The following RYR2 variants were observed in gnomAD, a reference collection of about 807,000 sequenced individuals.
RYR2 encodes the protein ryanodine receptor 2.
In RYR2, 227 loss-of-function variants were observed where a neutral mutation model predicts 601.1. The observed-to-expected ratio is 0.38, with a 90% CI of 0.34 to 0.42. RYR2 has a LOEUF of 0.42. Ranked by LOEUF, RYR2 falls within the 10% of genes least tolerant of loss-of-function variation. RYR2 has a pLI of 1.00. For missense variants in RYR2, 4,646 were observed against 6,156.5 expected (o/e 0.75, Z 8.21); for synonymous variants, 2,223 against 2,175.1 (o/e 1.02, Z -0.61).
intron 74 of RYR2, among the ~76,000 whole-genome samples, chr1:237,725,369 A>G (rs1558295024): frequency 2.0e-5 from 3 of 152,188 alleles, no homozygotes; most frequent in African/African-American, 7.2e-5. Context: ...GCTAATGATA[A>G]CATGTGACTG....
intron 56 of RYR2, among the ~76,000 whole-genome samples, chr1:237,663,648 T>C (rs974994296): frequency 1.3e-5 from 2 of 152,216 alleles, no homozygotes; most frequent in African/African-American, 4.8e-5. Flanking sequence ...TTTGAAAGAA[T>C]GTTGTGAGTG....
At chr1:237,340,572 A>G (rs1043560735) in intron 3 of RYR2, among the ~76,000 whole-genome samples, 3 of 152,190 alleles carry the variant, frequency 2.0e-5, no homozygotes, top group African/African-American at 7.2e-5. Context: ...GCTACTAGCT[A>G]TTTATATCTG....
rs149917160 is a variant in RYR2 at position 237,607,437 on chromosome 1, G to A, written c.4684-3325G>A. On this transcript the variant is annotated intron_variant, in intron 35 of 104. Transcript: ENST00000366574. Reference sequence around the variant, plus strand: ...CGGGGCCTGTTGTGGGGTTGGGGGAGGGAGGGAGGGATAGCATTAGGAGAT... The same window carrying A: ...CGGGGCCTGTTGTGGGGTTGGGGGAAGGAGGGAGGGATAGCATTAGGAGAT... 9.4e-3 allele frequency among the ~76,000 whole-genome samples: 1,423 copies of A among 151,848 alleles called. 31 individuals are homozygous for A. The highest frequency in any genetic ancestry group is 0.032 in the African/African-American group (1,334 of 41,504).
At chr1:237,161,990 G>A (rs202038740) in intron 1 of RYR2, among the ~76,000 whole-genome samples, 2 of 152,046 alleles carry the variant, frequency 1.3e-5, no homozygotes, top group East Asian at 3.9e-4. Flanking sequence ...TTTTGGTTTG[G>A]TTTGCATTGC....
intron 15 of RYR2, among the ~76,000 whole-genome samples, chr1:237,455,258 G>T (rs528111481): frequency 1.3e-5 from 2 of 152,172 alleles, no homozygotes; most frequent in East Asian, 3.9e-4. Context: ...GATAAATCAG[G>T]CTTGTTCAGC....
At chr1:237,394,960 A>G (rs1702692876) in intron 10 of RYR2, among the ~76,000 whole-genome samples, 1 of 152,162 alleles carries the variant, frequency 6.6e-6, no homozygotes. Context: ...GAGGAGCAAG[A>G]GAGCAAAGGG....
chr1:237,049,204 T>TAAA (rs770477070), intron 1 of RYR2, among the ~76,000 whole-genome samples: 17 of 152,206 alleles, frequency 1.1e-4, no homozygotes, highest in Middle Eastern at 6.8e-3. Context: ...AAATTAAGGA[T>TAAA]TAATTGAGTC....
intron 2 of RYR2, among the ~76,000 whole-genome samples, chr1:237,299,484 T>C (rs999172208): frequency 6.6e-6 from 1 of 152,190 alleles, no homozygotes; most frequent in African/African-American, 2.4e-5. Context: ...AGCTCTGCAA[T>C]AGAGAAAATT....
At chr1:237,717,405 T>A in intron 72 of RYR2, 37 bp downstream of exon 72, 1 of 1,510,480 alleles carries the variant, frequency 6.6e-7, no homozygotes, top group Non-Finnish European at 8.9e-7. Context: ...AATGATCATC[T>A]GACCTCCAGA....
chr1:237,644,426 G>GT (rs1168738054), intron 48 of RYR2, among the ~76,000 whole-genome samples: 1 of 151,820 alleles, frequency 6.6e-6, no homozygotes, highest in Admixed American at 6.6e-5. Context: ...TAGAGACAGG[G>GT]TTTCACCATG....
intron 46 of RYR2, 87 bp from the exon 47 acceptor site, chr1:237,640,810 A>G: frequency 1.0e-6 from 1 of 995,814 alleles, no homozygotes; most frequent in South Asian, 1.4e-5. Context: ...GTTACCTAGT[A>G]GTCCCTTTCC....
At chr1:237,429,276 G>A (rs1558803025) in intron 12 of RYR2, among the ~76,000 whole-genome samples, 1 of 152,146 alleles carries the variant, frequency 6.6e-6, no homozygotes. Context: ...GAAAACCAAC[G>A]CAGGGAGGAT....
rs151230806 is a variant in RYR2 at position 237,256,570 on chromosome 1, G to A, written c.49-13927G>A. Among the ~76,000 whole-genome samples, 384 of 152,138 alleles carry A rather than the reference G, an allele frequency of 2.5e-3. 2 individuals are homozygous for A. Among genetic ancestry groups the A allele is most frequent in the African/African-American group, 8.6e-3 (359 of 41,508 alleles). ...CTCTGCTGCTCCTCTTAATTATTCC[G>A]TTTCCTGGATTTTAGGGTAACATGG... On this transcript the variant is annotated intron_variant, in intron 1 of 104. Transcript: ENST00000366574.
intron 16 of RYR2, among the ~76,000 whole-genome samples, chr1:237,464,079 C>T (rs1659782199): frequency 6.6e-6 from 1 of 152,194 alleles, no homozygotes; most frequent in Non-Finnish European, 1.5e-5. Flanking sequence ...TGCACACCTG[C>T]ATGCGTGCTT....
intron 12 of RYR2, among the ~76,000 whole-genome samples, chr1:237,438,121 G>A (rs1707577503): frequency 6.6e-6 from 1 of 151,762 alleles, no homozygotes; most frequent in Non-Finnish European, 1.5e-5. Context: ...AGTTAATTTT[G>A]TATTTAAATT....
chr1:237,717,323 T>A lies in RYR2; in HGVS notation c.10449T>A (p.Pro3483=), dbSNP rs754719291. The change falls in exon 72 of 105, where the codon CCT becomes CCA. Residue 3483 remains proline (P), a synonymous_variant. Transcript: ENST00000366574. ...CCATTGGGTTGAACATCTGTGCCCC[T>A]GGGGACCAGGAGCTCATTGCTCTGG... is the stretch of plus-strand genomic sequence containing the variant. The part of the protein sequence containing the change: ...LLPIGLNICA[P]GDQELIALAK... 6.2e-7 allele frequency: 1 copy of A among 1,612,088 alleles called. No individual in the cohort carries two copies. The highest frequency in any genetic ancestry group is 1.1e-5 in the South Asian group (1 of 90,850).
At chr1:237,643,790 A>G (rs1160838231) in intron 48 of RYR2, among the ~76,000 whole-genome samples, 3 of 151,494 alleles carry the variant, frequency 2.0e-5, no homozygotes, top group Non-Finnish European at 2.9e-5. Context: ...TTTTTTTTGT[A>G]TTTTAAGTAG....
chr1:237,514,374 G>A (rs1218838450), intron 24 of RYR2, among the ~76,000 whole-genome samples: 1 of 152,094 alleles, frequency 6.6e-6, no homozygotes, highest in African/African-American at 2.4e-5. Context: ...TGGCTGATTT[G>A]GTTAATCTTC....
chr1:237,479,499 T>C (rs2150356264), intron 17 of RYR2, among the ~76,000 whole-genome samples: 1 of 147,214 alleles, frequency 6.8e-6, no homozygotes, highest in South Asian at 2.1e-4. Flanking sequence ...GATGCTATGC[T>C]CAGTTTACAT....
Sources: gnomAD v4.1 joint callset for allele counts (sites outside exome capture counted in the v4.1 genomes callset) on GRCh38, gnomAD v4.1.1 for gene constraint, MANE v1.5 for transcripts, NCBI Gene and HGNC (gene_info 2026-07-23, HGNC 2026-07-21) for gene names.